The following PLXNA4 variants were observed in gnomAD, a reference collection of about 807,000 sequenced individuals.
The protein encoded by PLXNA4 is plexin-A4.
PLXNA4 carries 44 observed loss-of-function variants against 191.8 expected under a neutral mutation model. The ratio of observed to expected loss-of-function variants is 0.23; its 90% confidence interval spans 0.18 to 0.29. The LOEUF (loss-of-function observed/expected upper bound fraction) is 0.29. Among genes scored for constraint, PLXNA4 ranks in the 10% least tolerant of loss-of-function variants. The probability of loss-of-function intolerance (pLI) is 1.00; values close to 1 mark genes in which losing one functional copy is unlikely to be tolerated. For missense variants in PLXNA4, 1,800 were observed against 2,488.8 expected (o/e 0.72, Z 5.89); for synonymous variants, 1,082 against 1,009.5 (o/e 1.07, Z -1.36).
At chr7:132,181,761 T>A in intron 17 of PLXNA4, 141 bp from the exon 18 acceptor site, 1 of 1,434,030 alleles carries the variant, frequency 7.0e-7, no homozygotes, top group South Asian at 1.5e-5. Context: ...GGCCACACAA[T>A]TGGGCACTCA....
chr7:132,526,660 C>G (rs1233008679), intron 1 of PLXNA4, among the ~76,000 whole-genome samples: 1 of 152,164 alleles, frequency 6.6e-6, no homozygotes, highest in Non-Finnish European at 1.5e-5. Context: ...GATAATGACT[C>G]TTCTGTCCTG....
At chr7:132,558,369 C>T (rs753669800) in intron 1 of PLXNA4, among the ~76,000 whole-genome samples, 9 of 152,148 alleles carry the variant, frequency 5.9e-5, no homozygotes, top group East Asian at 3.8e-4. Flanking sequence ...TATAAAGGCT[C>T]TTTAGAACAT....
In PLXNA4 at chr7:132,148,124, TG is replaced by T. The variant is rs1795489496; in HGVS notation, c.4765-126del. 2.0e-5 allele frequency: 28 copies of T among 1,421,512 alleles called. No homozygotes were observed. The South Asian group carries it at 2.4e-4, about 12-fold the overall frequency. 88.1% of individuals were successfully genotyped at this position (1,421,512 alleles called of 1,614,324 possible). The stretch of plus-strand genomic sequence containing the variant: ...GCCTTGCTGGAGAACTAGGGGACTT[TG>T]GAGGCTGTCAGCTTTCCTTGGAGCA... On this transcript the variant is annotated intron_variant, in intron 26 of 31. Coordinates refer to ENST00000321063, the MANE Select transcript of PLXNA4 (RefSeq NM_020911.2).
chr7:132,531,398 C>T (rs912009606), intron 1 of PLXNA4, among the ~76,000 whole-genome samples: 5 of 152,182 alleles, frequency 3.3e-5, no homozygotes, highest in African/African-American at 1.2e-4. Flanking sequence ...CATGAATTAC[C>T]TATTCTATTT....
chr7:132,245,232 C>T (rs2117053866), intron 4 of PLXNA4, among the ~76,000 whole-genome samples: 1 of 152,218 alleles, frequency 6.6e-6, no homozygotes, highest in Non-Finnish European at 1.5e-5. Flanking sequence ...GTTTGGAGAA[C>T]AAATCAGATG....
chr7:132,401,103 C>T (rs1793965637), intron 3 of PLXNA4, among the ~76,000 whole-genome samples: 1 of 152,146 alleles, frequency 6.6e-6, no homozygotes, highest in South Asian at 2.1e-4. Context: ...GATAAAATTG[C>T]ACAAGACTAA....
chr7:132,287,108 C>T (rs561673219), intron 4 of PLXNA4, among the ~76,000 whole-genome samples: 9 of 152,300 alleles, frequency 5.9e-5, no homozygotes, highest in Non-Finnish European at 2.9e-5. Context: ...GATCTCGGCT[C>T]ACTGCAACCT....
chr7:132,371,557 T>C (rs964977182), intron 3 of PLXNA4, among the ~76,000 whole-genome samples: 1 of 152,168 alleles, frequency 6.6e-6, no homozygotes, highest in Non-Finnish European at 1.5e-5. Flanking sequence ...TAGGAGTTCA[T>C]AAAACTGGGG....
intron 3 of PLXNA4, among the ~76,000 whole-genome samples, chr7:132,482,074 C>T (rs1174804327): frequency 6.6e-6 from 1 of 152,178 alleles, no homozygotes; most frequent in Non-Finnish European, 1.5e-5. Context: ...TTCAAGTCCC[C>T]TCAATGGCTG....
At chr7:132,531,114 T>C (rs1451539644) in intron 1 of PLXNA4, among the ~76,000 whole-genome samples, 2 of 152,146 alleles carry the variant, frequency 1.3e-5, no homozygotes, top group Non-Finnish European at 2.9e-5. Context: ...GAGTTTCAGT[T>C]GGGGAAGATG....
At chr7:132,424,795 T>A (rs1794982390) in intron 3 of PLXNA4, among the ~76,000 whole-genome samples, 1 of 152,214 alleles carries the variant, frequency 6.6e-6, no homozygotes, top group Non-Finnish European at 1.5e-5. Context: ...AATAACAATT[T>A]TATACATAAA....
At chr7:132,160,102 C>T (rs1036009871) in intron 24 of PLXNA4, among the ~76,000 whole-genome samples, 3 of 152,168 alleles carry the variant, frequency 2.0e-5, no homozygotes, top group African/African-American at 4.8e-5. Context: ...TCCTTCTTGT[C>T]ACTCCTTCTT....
At chr7:132,470,675 G>A (rs938443349) in intron 3 of PLXNA4, among the ~76,000 whole-genome samples, 1 of 152,210 alleles carries the variant, frequency 6.6e-6, no homozygotes, top group African/African-American at 2.4e-5. Context: ...CTTAAAAGCA[G>A]AGAACTTTTC....
At chr7:132,506,869 T>C (rs753302446) in intron 2 of PLXNA4, among the ~76,000 whole-genome samples, 16 of 152,246 alleles carry the variant, frequency 1.1e-4, no homozygotes, top group Admixed American at 7.2e-4. Context: ...ACACAGAAGA[T>C]GCTCAATAAA....
chr7:132,165,068 G>T, intron 23 of PLXNA4, 66 bp downstream of exon 23: 1 of 1,578,006 alleles, frequency 6.3e-7, no homozygotes, highest in Non-Finnish European at 8.6e-7. Context: ...GGTGTGGAGC[G>T]ATCCCCAGTC....
chr7:132,311,663 C>T (rs926932508), intron 3 of PLXNA4, among the ~76,000 whole-genome samples: 1 of 152,170 alleles, frequency 6.6e-6, no homozygotes, highest in Non-Finnish European at 1.5e-5. Flanking sequence ...AATCCTTCCC[C>T]TCCCCGTCCC....
intron 30 of PLXNA4, among the ~76,000 whole-genome samples, chr7:132,134,683 A>G (rs546501596): frequency 6.6e-6 from 1 of 152,216 alleles, no homozygotes; most frequent in African/African-American, 2.4e-5. Context: ...CAGGAGCCTG[A>G]GACAGGCAAC....
chr7:132,283,866 A>G (rs1243366303), intron 4 of PLXNA4, among the ~76,000 whole-genome samples: 1 of 152,236 alleles, frequency 6.6e-6, no homozygotes, highest in Non-Finnish European at 1.5e-5. Flanking sequence ...ATCAAATGCT[A>G]TAGTCAAGAT....
At chr7:132,282,217 A>T (rs187564366) in intron 4 of PLXNA4, among the ~76,000 whole-genome samples, 1 of 152,328 alleles carries the variant, frequency 6.6e-6, no homozygotes, top group Non-Finnish European at 1.5e-5. Context: ...TTAGTTACAT[A>T]TGTATACATG....
Sources: gnomAD v4.1 joint callset for allele counts (sites outside exome capture counted in the v4.1 genomes callset) on GRCh38, gnomAD v4.1.1 for gene constraint, MANE v1.5 for transcripts, NCBI Gene and HGNC (gene_info 2026-07-23, HGNC 2026-07-21) for gene names.